TTYH3: variants seen among roughly 807,000 people sequenced by gnomAD.
The protein encoded by TTYH3 is tweety family member 3, also known as protein tweety homolog 3.
TTYH3 carries 23 observed loss-of-function variants against 68.2 expected under a neutral mutation model. The ratio of observed to expected loss-of-function variants is 0.34; its 90% CI spans 0.24 to 0.48. The LOEUF (loss-of-function observed/expected upper bound fraction) is 0.48, where lower values mean the gene tolerates loss of function less well. Among genes scored for constraint, TTYH3 ranks in the 20% least tolerant of loss-of-function variants. TTYH3 has a pLI of 0.99. For synonymous variants in TTYH3, 360 were observed against 332.8 expected, an observed-to-expected ratio of 1.08 and a Z score of -0.89; for missense variants, 768 against 727.7, an observed-to-expected ratio of 1.06 and a Z score of -0.64.
intron 5 of TTYH3, among the ~76,000 whole-genome samples, chr7:2,648,775 A>G (rs935559592): frequency 6.6e-6 from 1 of 151,532 alleles, no homozygotes; most frequent in Non-Finnish European, 1.5e-5. Context: ...GTGCAGCTTC[A>G]CGCTGTGCCC....
At chr7:2,658,119 G>A (rs1786386477) in intron 11 of TTYH3, among the ~76,000 whole-genome samples, 167 bp from the exon 12 acceptor site, 1 of 152,268 alleles carries the variant, frequency 6.6e-6, no homozygotes, top group African/African-American at 2.4e-5. Flanking sequence ...GGGCAGGGCT[G>A]GATGCAGAGC....
At chr7:2,646,083 C>A (rs1011942262) in intron 1 of TTYH3, among the ~76,000 whole-genome samples, 4 of 151,928 alleles carry the variant, frequency 2.6e-5, no homozygotes, top group African/African-American at 9.7e-5. Context: ...GGTGCAATCT[C>A]GGCTCACTGC....
intron 1 of TTYH3, among the ~76,000 whole-genome samples, chr7:2,643,584 G>C (rs1355956279): frequency 1.3e-5 from 2 of 152,186 alleles, no homozygotes; most frequent in African/African-American, 4.8e-5. Flanking sequence ...CTGCCCCTGG[G>C]CATCAGCCCT....
At chr7:2,657,146 C>G (rs1172511240) in intron 11 of TTYH3, among the ~76,000 whole-genome samples, 1 of 152,244 alleles carries the variant, frequency 6.6e-6, no homozygotes, top group Non-Finnish European at 1.5e-5. Context: ...CTTGCCAGAG[C>G]TCCTATGGCT....
At chr7:2,650,380 G>A (rs1340422025) in intron 7 of TTYH3, among the ~76,000 whole-genome samples, 1 of 152,082 alleles carries the variant, frequency 6.6e-6, no homozygotes, top group South Asian at 2.1e-4. Context: ...GAGTTCAAGA[G>A]CAGTCTGGCC....
chr7:2,656,259 G>A, intron 10 of TTYH3, 75 bp downstream of exon 10: 4 of 1,558,122 alleles, frequency 2.6e-6, no homozygotes, highest in Non-Finnish European at 3.5e-6. Flanking sequence ...TCGGGAGGAT[G>A]GGGACCCTCA....
intron 1 of TTYH3, among the ~76,000 whole-genome samples, chr7:2,642,024 C>T (rs1384886101): frequency 1.3e-5 from 2 of 152,258 alleles, no homozygotes; most frequent in Non-Finnish European, 2.9e-5. Flanking sequence ...GGCAGGGGCC[C>T]CGAAGCCTGG....
intron 9 of TTYH3, among the ~76,000 whole-genome samples, chr7:2,653,401 A>G (rs1786245821): frequency 6.6e-6 from 1 of 152,254 alleles, no homozygotes; most frequent in Admixed American, 6.5e-5. Flanking sequence ...CAAGCTCTTT[A>G]TATTTAAAAA....
chr7:2,648,672 A>AT (rs1698182719), intron 5 of TTYH3: 1 of 152,658 alleles, frequency 6.6e-6, no homozygotes, highest in Non-Finnish European at 1.5e-5. Context: ...GAGGAGCAGA[A>AT]TGAGGGAAAC....
chr7:2,643,835 C>A (rs181686982), intron 1 of TTYH3, among the ~76,000 whole-genome samples: 1 of 151,934 alleles, frequency 6.6e-6, no homozygotes, highest in African/African-American at 2.4e-5. Flanking sequence ...CTGCGTAATG[C>A]GTGTCTGGGA....
At chr7:2,646,165 C>T (rs1785975872) in intron 1 of TTYH3, among the ~76,000 whole-genome samples, 1 of 152,214 alleles carries the variant, frequency 6.6e-6, no homozygotes, top group African/African-American at 2.4e-5. Flanking sequence ...CAGGCACCCG[C>T]CACCAGGCCT....
chr7:2,648,915 TGTGGGGCCCGC>T (rs1191215710), intron 5 of TTYH3, among the ~76,000 whole-genome samples: 7 of 104,922 alleles, frequency 6.7e-5, no homozygotes, highest in African/African-American at 2.3e-4. Flanking sequence ...TGCAGTGGGG[TGTGGGGCCCGC>T]AGTGGGGTGT....
intron 7 of TTYH3, 110 bp from the exon 8 acceptor site, chr7:2,652,077 A>T: frequency 1.1e-6 from 1 of 894,276 alleles, no homozygotes; most frequent in Non-Finnish European, 1.8e-6. Context: ...GCACACATGT[A>T]AACATGCACG....
chr7:2,660,321 C>T (rs1005118651), intron 13 of TTYH3: 1 of 985,304 alleles, frequency 1.0e-6, no homozygotes, highest in Admixed American at 6.1e-5. Flanking sequence ...GTGGCCCCAG[C>T]CCCTTCTGTC....
intron 7 of TTYH3, among the ~76,000 whole-genome samples, chr7:2,651,493 T>C (rs1004726419): frequency 6.6e-6 from 1 of 152,206 alleles, no homozygotes; most frequent in Non-Finnish European, 1.5e-5. Flanking sequence ...GCCCCGGTGC[T>C]ATCATCCTGG....
chr7:2,640,985 A>ACC (rs1343691079), intron 1 of TTYH3, among the ~76,000 whole-genome samples: 1 of 152,154 alleles, frequency 6.6e-6, no homozygotes, highest in African/African-American at 2.4e-5. Context: ...TATCCTGGGG[A>ACC]CATCCTGGAG....
Position 2,647,178 on chromosome 7 carries a change from G to A in TTYH3, c.330G>A (p.Glu110=). The A allele has an allele frequency of 1.2e-6, 2 of 1,607,050 alleles. No individual in the cohort carries two copies. The highest frequency in any genetic ancestry group is 1.7e-6 in the Non-Finnish European group (2 of 1,178,200). ...CAGTGGGATTCTACGGCAACGGGGA[G>A]ACCAGTGATGGCATCCATAGGGCCA... is the stretch of plus-strand genomic sequence containing the variant. ...GIAVGFYGNG[E]TSDGIHRATY... is the part of the protein sequence containing the mutation. Residue 110 remains glutamate, a synonymous_variant, in exon 3 of 14, where the codon GAG becomes GAA. Coordinates refer to ENST00000258796, the MANE Select transcript of TTYH3 (RefSeq NM_025250.3).
intron 1 of TTYH3, among the ~76,000 whole-genome samples, chr7:2,637,971 G>T (rs1785724655): frequency 6.6e-6 from 1 of 152,180 alleles, no homozygotes; most frequent in Non-Finnish European, 1.5e-5. Flanking sequence ...TCTGAGGAGG[G>T]TACCAGCCAC....
At chr7:2,644,525 G>A (rs560502684) in intron 1 of TTYH3, among the ~76,000 whole-genome samples, 9 of 152,328 alleles carry the variant, frequency 5.9e-5, no homozygotes, top group Admixed American at 2.6e-4. Context: ...CCATGAGACC[G>A]CCCTGAGCTG....
Sources: allele counts gnomAD v4.1 joint callset (sites outside exome capture counted in the v4.1 genomes callset), GRCh38; gene constraint gnomAD v4.1.1; transcripts MANE v1.5; gene names NCBI Gene and HGNC (gene_info 2026-07-23, HGNC 2026-07-21).